Variants in PTPRT observed in about 807,000 individuals in gnomAD.
The protein encoded by PTPRT is receptor-type tyrosine-protein phosphatase T.
A neutral mutation model predicts 176.8 loss-of-function variants in PTPRT; 56 were observed. The observed-to-expected ratio is 0.32, with a 90% CI of 0.26 to 0.40. The LOEUF is 0.40. Among genes scored for constraint, PTPRT ranks in the 10% least tolerant of loss-of-function variants. The pLI, the probability that PTPRT is intolerant of heterozygous loss-of-function variation, is 1.00. For synonymous variants in PTPRT, 783 were observed against 739.0 expected (o/e 1.06, Z -0.96); for missense variants, 1,540 against 1,908.2 (o/e 0.81, Z 3.60).
chr20:42,271,772 G>C (rs976375912), intron 13 of PTPRT, among the ~76,000 whole-genome samples: 1 of 152,154 alleles, frequency 6.6e-6, no homozygotes, highest in South Asian at 2.1e-4. Flanking sequence ...AGGTTGAAAG[G>C]TGTTTTAGGC....
chr20:42,876,380 T>C (rs1340555172), intron 2 of PTPRT, among the ~76,000 whole-genome samples: 2 of 152,118 alleles, frequency 1.3e-5, no homozygotes, highest in Admixed American at 1.3e-4. Context: ...TGAGAATAGA[T>C]TACATCTTTC....
At chr20:43,107,258 G>A (rs536125226) in intron 1 of PTPRT, among the ~76,000 whole-genome samples, 1 of 152,248 alleles carries the variant, frequency 6.6e-6, no homozygotes, top group South Asian at 2.1e-4. Context: ...ATGCAGCTGG[G>A]GTGTGTGGCA....
intron 2 of PTPRT, among the ~76,000 whole-genome samples, chr20:42,870,125 T>C (rs1489493268): frequency 6.6e-6 from 1 of 152,206 alleles, no homozygotes; most frequent in Admixed American, 6.5e-5. Flanking sequence ...TATAGTAGCA[T>C]GAATGGTCTA....
chr20:42,162,947 G>T (rs1233364582), intron 16 of PTPRT, among the ~76,000 whole-genome samples: 1 of 152,192 alleles, frequency 6.6e-6, no homozygotes, highest in South Asian at 2.1e-4. Flanking sequence ...TGCTTTCTAG[G>T]TGACCAACTT....
chr20:43,009,900 G>A (rs1600644978), intron 1 of PTPRT, among the ~76,000 whole-genome samples: 1 of 152,174 alleles, frequency 6.6e-6, no homozygotes, highest in Admixed American at 6.5e-5. Flanking sequence ...CTGCAGAGCT[G>A]CATTTCCAGC....
intron 7 of PTPRT, among the ~76,000 whole-genome samples, chr20:42,474,749 C>G (rs1393110721): frequency 6.6e-6 from 1 of 152,196 alleles, no homozygotes; most frequent in Non-Finnish European, 1.5e-5. Flanking sequence ...ACACAGAGAG[C>G]AATAAATGGC....
intron 7 of PTPRT, among the ~76,000 whole-genome samples, chr20:42,535,582 A>G: frequency 6.6e-6 from 1 of 152,288 alleles, no homozygotes; most frequent in East Asian, 1.9e-4. Flanking sequence ...ATCCAAGAAC[A>G]TTTTTGCAAT....
At chr20:42,317,709 A>G (rs1197055492) in intron 11 of PTPRT, among the ~76,000 whole-genome samples, 1 of 152,204 alleles carries the variant, frequency 6.6e-6, no homozygotes, top group East Asian at 1.9e-4. Flanking sequence ...GGCTATGGAG[A>G]ACTGCCCTAA....
At chr20:42,559,072 G>A (rs924162549) in intron 7 of PTPRT, among the ~76,000 whole-genome samples, 1 of 152,138 alleles carries the variant, frequency 6.6e-6, no homozygotes, top group Non-Finnish European at 1.5e-5. Context: ...TCTTTCCACA[G>A]TCCTAATAAT....
intron 9 of PTPRT, among the ~76,000 whole-genome samples, chr20:42,401,648 T>C (rs1212597191): frequency 1.1e-4 from 16 of 152,122 alleles, no homozygotes; most frequent in Admixed American, 9.8e-4. Context: ...TTAGACATTG[T>C]TCTCTCCGAG....
chr20:42,348,280 C>T (rs1040224257), intron 11 of PTPRT, among the ~76,000 whole-genome samples: 2 of 152,158 alleles, frequency 1.3e-5, no homozygotes, highest in African/African-American at 4.8e-5. Flanking sequence ...ACTGAGTCTA[C>T]ACCCACCCTC....
intron 15 of PTPRT, among the ~76,000 whole-genome samples, chr20:42,219,812 T>C (rs1369711255): frequency 6.6e-6 from 1 of 152,156 alleles, no homozygotes; most frequent in Non-Finnish European, 1.5e-5. Flanking sequence ...AACTATCACA[T>C]GGTTCTAAGT....
chr20:42,879,928 T>C (rs541529502), intron 2 of PTPRT, among the ~76,000 whole-genome samples: 5 of 152,176 alleles, frequency 3.3e-5, no homozygotes, highest in Non-Finnish European at 7.4e-5. Flanking sequence ...CCTTCCTCCT[T>C]TGTTTTTTCT....
At chr20:42,669,862 G>A (rs962194139) in intron 7 of PTPRT, among the ~76,000 whole-genome samples, 1 of 152,048 alleles carries the variant, frequency 6.6e-6, no homozygotes, top group Non-Finnish European at 1.5e-5. Context: ...GGCTTGAAAG[G>A]CCTCATTCTT....
chr20:42,319,140 AC>A (rs2057762659), intron 11 of PTPRT, among the ~76,000 whole-genome samples: 1 of 152,140 alleles, frequency 6.6e-6, no homozygotes, highest in African/African-American at 2.4e-5. Context: ...TGTCAATTCA[AC>A]CAAGCTCAAA....
intron 5 of PTPRT, among the ~76,000 whole-genome samples, chr20:42,771,016 T>C (rs1189324251): frequency 4.6e-5 from 7 of 152,350 alleles, no homozygotes; most frequent in African/African-American, 9.6e-5. Flanking sequence ...CCATTCATCA[T>C]AGCACACACT....
chr20:42,513,614 T>C (rs1391184943), intron 7 of PTPRT, among the ~76,000 whole-genome samples: 2 of 152,178 alleles, frequency 1.3e-5, no homozygotes, highest in Non-Finnish European at 2.9e-5. Flanking sequence ...TTCTATTACA[T>C]TTCCAGGTGC....
intron 1 of PTPRT, among the ~76,000 whole-genome samples, chr20:42,951,797 A>G (rs890605521): frequency 6.6e-6 from 1 of 152,162 alleles, no homozygotes; most frequent in Non-Finnish European, 1.5e-5. Flanking sequence ...CACAGCCCTG[A>G]GTCTAAATCT....
chr20:42,189,342 G>A lies in PTPRT; in HGVS notation c.2491+9898C>T, dbSNP rs1051601656. On this transcript the variant is annotated intron_variant, in intron 16 of 30. Transcript: ENST00000373187. ...ATCACTTGCTGGGTGTCTGATCAGT[G>A]TTTCTGGGACACTATACACACCTTT... Among the ~76,000 whole-genome samples, 45 of 152,280 alleles carry A rather than the reference G, an allele frequency of 3.0e-4. 1 individual carries two copies. The highest frequency in any genetic ancestry group is 1.0e-3 in the African/African-American group (43 of 41,562).
Sources: gnomAD v4.1 joint callset for allele counts (sites outside exome capture counted in the v4.1 genomes callset) on GRCh38, gnomAD v4.1.1 for gene constraint, MANE v1.5 for transcripts, NCBI Gene and HGNC (gene_info 2026-07-23, HGNC 2026-07-21) for gene names.